Variants in B3GALT1 observed in about 807,000 individuals in gnomAD.
B3GALT1 encodes the protein UDP-Gal:betaGlcNAc beta 1,3-galactosyltransferase, polypeptide 1.
B3GALT1 carries 10 observed loss-of-function variants against 23.2 expected under a neutral mutation model. The ratio of observed to expected loss-of-function variants is 0.43; its 90% CI spans 0.27 to 0.73. The LOEUF (loss-of-function observed/expected upper bound fraction) is 0.73, where lower values mean the gene tolerates loss of function less well. Among genes scored for constraint, B3GALT1 ranks in the 30% least tolerant of loss-of-function variants. The pLI is 0.21. For synonymous variants in B3GALT1, 156 were observed against 141.5 expected (o/e 1.10, Z -0.73); for missense variants, 299 against 405.4 (o/e 0.74, Z 2.25).
At chr2:167,528,525 TC>T (rs1683260901) in intron 2 of B3GALT1, among the ~76,000 whole-genome samples, 1 of 152,154 alleles carries the variant, frequency 6.6e-6, no homozygotes, top group Admixed American at 6.6e-5. Context: ...GAGTGTATAG[TC>T]CATAGCCAGA....
At chr2:167,776,040 G>GCGCACACA (rs376718846) in intron 3 of B3GALT1, among the ~76,000 whole-genome samples, 2 of 142,258 alleles carry the variant, frequency 1.4e-5, no homozygotes, top group African/African-American at 5.3e-5. Flanking sequence ...ATGCAACTGT[G>GCGCACACA]CACACACACA....
chr2:167,627,525 TA>T (rs1685368418), intron 2 of B3GALT1, among the ~76,000 whole-genome samples: 5 of 151,896 alleles, frequency 3.3e-5, no homozygotes, highest in Admixed American at 2.0e-4. Context: ...TTATTGCTAG[TA>T]GTATGCCCTT....
At chr2:167,383,500 T>C (rs1035346342) in intron 1 of B3GALT1, among the ~76,000 whole-genome samples, 1 of 152,162 alleles carries the variant, frequency 6.6e-6, no homozygotes, top group East Asian at 1.9e-4. Context: ...TCCTGAGCTC[T>C]AGAGCCTAGA....
chr2:167,483,917 A>C (rs1388515781), intron 1 of B3GALT1, among the ~76,000 whole-genome samples: 1 of 152,048 alleles, frequency 6.6e-6, no homozygotes, highest in African/African-American at 2.4e-5. Context: ...CATGGATCGC[A>C]TGGAAATTCC....
intron 1 of B3GALT1, among the ~76,000 whole-genome samples, chr2:167,387,340 A>C (rs1388040642): frequency 6.6e-6 from 1 of 152,220 alleles, no homozygotes. Context: ...ATGTTACATT[A>C]ATTAAGTAGA....
At chr2:167,511,823 A>G (rs377272322) in intron 2 of B3GALT1, among the ~76,000 whole-genome samples, 4 of 152,302 alleles carry the variant, frequency 2.6e-5, no homozygotes, top group Non-Finnish European at 2.9e-5. Context: ...TGAAAAAATA[A>G]CTAATAAGAT....
rs1402349702 is a variant in B3GALT1 at position 167,873,256 on chromosome 2, C to T, written c.*3236C>T. 1.3e-5 allele frequency: 2 copies of T among 151,732 alleles called. No individual in the cohort carries two copies. Among genetic ancestry groups the T allele is most frequent in the Non-Finnish European group, 2.9e-5 (2 of 67,942 alleles). The allele number at this position is 151,732 out of a possible 1,614,324, so 9.4% of individuals were successfully genotyped here. The stretch of plus-strand genomic sequence containing the variant: ...TTTTTTAATTTACTTTTTGGAAAAA[C>T]GTTTCTCTTTGGTGGCTAGTTTCGG... On this transcript the variant is annotated 3_prime_UTR_variant, in exon 5 of 5. Transcript: ENST00000392690.
chr2:167,512,924 A>G (rs1700047655), intron 2 of B3GALT1, among the ~76,000 whole-genome samples: 1 of 148,746 alleles, frequency 6.7e-6, no homozygotes, highest in African/African-American at 2.4e-5. Context: ...GATTACAAGC[A>G]TGATGATTCT....
At position 167,848,232 on chromosome 2, in the gene B3GALT1, T is replaced by C. The variant is rs370868277; in HGVS notation, c.-229-20579T>C. On this transcript the variant is annotated intron_variant, in intron 4 of 4. Coordinates refer to ENST00000392690, the MANE Select transcript of B3GALT1 (RefSeq NM_020981.4). ...TATAGACAGAAGGAACCCTCCCTAA[T>C]TCATTCTGTGAAGCGAGCATCACCC... is the stretch of plus-strand genomic sequence containing the variant. Among the ~76,000 whole-genome samples, 70 of 152,240 alleles carry C rather than the reference T, an allele frequency of 4.6e-4. No individual in the cohort carries two copies. The South Asian group carries it at 0.012, about 27-fold the overall frequency.
chr2:167,838,456 A>G (rs1166367205), intron 4 of B3GALT1, among the ~76,000 whole-genome samples: 4 of 152,262 alleles, frequency 2.6e-5, no homozygotes, highest in Non-Finnish European at 5.9e-5. Context: ...CAACACATAC[A>G]CTCTCCCAAG....
chr2:167,852,710 A>G (rs1000479079), intron 4 of B3GALT1, among the ~76,000 whole-genome samples: 2 of 152,162 alleles, frequency 1.3e-5, no homozygotes, highest in Admixed American at 6.5e-5. Context: ...AATATAAAAC[A>G]TCTTTTGATA....
At chr2:167,586,344 G>C (rs1166443733) in intron 2 of B3GALT1, among the ~76,000 whole-genome samples, 1 of 152,082 alleles carries the variant, frequency 6.6e-6, no homozygotes, top group Non-Finnish European at 1.5e-5. Context: ...CAGTCGCCCA[G>C]GCTGGAGTGC....
intron 3 of B3GALT1, among the ~76,000 whole-genome samples, chr2:167,758,242 CAGCCCAAGCA>C (rs1687846956): frequency 6.6e-6 from 1 of 152,114 alleles, no homozygotes; most frequent in Non-Finnish European, 1.5e-5. Context: ...TAGGCCAGCC[CAGCCCAAGCA>C]TAGTCTTTGG....
At chr2:167,325,797 A>C (rs1696883276) in intron 1 of B3GALT1, among the ~76,000 whole-genome samples, 1 of 146,746 alleles carries the variant, frequency 6.8e-6, no homozygotes, top group Admixed American at 7.0e-5. Flanking sequence ...AGCTCACTGC[A>C]ACCTCTGCCT....
intron 1 of B3GALT1, among the ~76,000 whole-genome samples, chr2:167,375,261 G>C (rs1697745093): frequency 6.6e-6 from 1 of 152,078 alleles, no homozygotes; most frequent in South Asian, 2.1e-4. Flanking sequence ...ATAGTTTGAA[G>C]TCAGGTAAAA....
chr2:167,361,495 A>C (rs1364616211), intron 1 of B3GALT1, among the ~76,000 whole-genome samples: 1 of 152,254 alleles, frequency 6.6e-6, no homozygotes, highest in Admixed American at 6.5e-5. Flanking sequence ...TAAGATGCAA[A>C]CAAAACAGAT....
At chr2:167,821,126 GC>G (rs1689097072) in intron 4 of B3GALT1, among the ~76,000 whole-genome samples, 1 of 152,166 alleles carries the variant, frequency 6.6e-6, no homozygotes, top group African/African-American at 2.4e-5. Context: ...GCCATTCATA[GC>G]TGAGGCTTGG....
Position 167,864,574 on chromosome 2 carries a change from TAAA to T in B3GALT1, c.-229-4233_-229-4231del, listed in dbSNP as rs775576342. 6.6e-5 allele frequency among the ~76,000 whole-genome samples: 10 copies of T among 152,014 alleles called. No individual in the cohort carries two copies. In the East Asian group the frequency reaches 1.9e-3, roughly 29 times the overall value. On this transcript the variant is annotated intron_variant, in intron 4 of 4. Transcript: ENST00000392690. The stretch of plus-strand genomic sequence containing the variant: ...GTGAGACCCTGTATTAACTTGTTAA[TAAA>T]AAATAAATGCATATATCACTGGGCG...
At chr2:167,312,961 G>A (rs1339872936) in intron 1 of B3GALT1, among the ~76,000 whole-genome samples, 1 of 151,514 alleles carries the variant, frequency 6.6e-6, no homozygotes, top group African/African-American at 2.4e-5. Flanking sequence ...ACAAAGAAGG[G>A]GTATAAAACA....
Sources: allele counts gnomAD v4.1 joint callset (sites outside exome capture counted in the v4.1 genomes callset), GRCh38; gene constraint gnomAD v4.1.1; transcripts MANE v1.5; gene names NCBI Gene and HGNC (gene_info 2026-07-23, HGNC 2026-07-21).